The following HPN variants were observed in gnomAD, a reference collection of about 807,000 sequenced individuals.
HPN encodes serine protease hepsin.
A neutral mutation model predicts 55.9 loss-of-function variants in HPN; 13 were observed. The ratio of observed to expected loss-of-function variants is 0.23; its 90% CI spans 0.15 to 0.37. The LOEUF is 0.37. HPN is among the 10% of genes least tolerant of loss of function. The pLI is 1.00. For missense variants in HPN, 451 were observed against 575.8 expected (o/e 0.78, Z 2.22); for synonymous variants, 225 against 240.3 (o/e 0.94, Z 0.59).
At position 35,059,852 on chromosome 19, in the gene HPN, G is replaced by C. The variant is rs1229189712; in HGVS notation, c.291-22G>C. ...GGAGCCGGGAGGGGCTGGGGAGCAG[G>C]CCTAACCCCTGCCCCGCCCAGGGCA... On this transcript the variant is annotated intron_variant, in intron 5 of 12. Coordinates refer to ENST00000672452, the MANE Select transcript of HPN (RefSeq NM_001384133.1). 4 of 1,509,528 alleles carry C rather than the reference G, an allele frequency of 2.6e-6. No individual in the cohort carries two copies. In the African/African-American group the frequency reaches 4.1e-5, roughly 16 times the overall value. 93.5% of individuals were successfully genotyped at this position (1,509,528 alleles called of 1,614,324 possible).
rs544162310 is a variant in HPN, at chr19:35,052,412, C to A, written c.160+2896C>A. Among the ~76,000 whole-genome samples the A allele has an allele frequency of 3.3e-5, 5 of 151,890 alleles. No individual in the cohort carries two copies. In the South Asian group the frequency reaches 1.0e-3, roughly 32 times the overall value. On this transcript the variant is annotated intron_variant, in intron 4 of 12. Transcript: ENST00000672452. ...GCGTGGTGGCGGGCGCCTGTAATCCCAGCTACTCAGGAGGCTGAGGCAGGA... is the reference window on the plus strand; with the variant it reads ...GCGTGGTGGCGGGCGCCTGTAATCCAAGCTACTCAGGAGGCTGAGGCAGGA...
At chr19:35,065,741 G>A (rs2064600180) in intron 11 of HPN, 60 bp downstream of exon 11, 2 of 1,606,884 alleles carry the variant, frequency 1.2e-6, no homozygotes, top group Admixed American at 1.7e-5. Flanking sequence ...GGAGATGCAG[G>A]GGAGTGGGTG....
upstream of HPN, chr19:35,041,693 CGCCCCTCG>C: frequency 9.1e-7 from 1 of 1,104,216 alleles, no homozygotes; most frequent in Non-Finnish European, 1.1e-6. Flanking sequence ...CCCCTTCACC[CGCCCCTCG>C]CCCAGCCCCC....
At chr19:35,045,415 G>A (rs556654701) in intron 2 of HPN, among the ~76,000 whole-genome samples, 5 of 152,284 alleles carry the variant, frequency 3.3e-5, no homozygotes, top group Admixed American at 6.5e-5. Flanking sequence ...CCCGAGACAC[G>A]GAGCCACCAG....
upstream of HPN, among the ~76,000 whole-genome samples, chr19:35,040,973 G>A (rs1395131891): frequency 6.6e-6 from 1 of 152,190 alleles, no homozygotes; most frequent in Admixed American, 6.5e-5. Flanking sequence ...GGTTGAGCAC[G>A]GGCAGGTGTC....
rs532055275 is a variant in HPN at position 35,063,266 on chromosome 19, G to GA, written c.812-1982dup. On this transcript the variant is annotated intron_variant, in intron 9 of 12. Transcript: ENST00000672452. ...TTTGTGCCCAGGTGGACTGGCACTGGAATCTGTGCTTGTGGCCCCCACGCT... is the reference window on the plus strand; with the variant it reads ...TTTGTGCCCAGGTGGACTGGCACTGGAAATCTGTGCTTGTGGCCCCCACGCT... Among the ~76,000 whole-genome samples, 379 of 152,362 alleles carry GA rather than the reference G, an allele frequency of 2.5e-3. 2 individuals are homozygous for GA. The highest frequency in any genetic ancestry group is 8.7e-3 in the African/African-American group (361 of 41,578).
chr19:35,060,880 C>A, intron 9 of HPN, 63 bp downstream of exon 9: 1 of 1,389,890 alleles, frequency 7.2e-7, no homozygotes, highest in East Asian at 2.3e-5. Context: ...GAGGAGGGGA[C>A]CAGGGGCACA....
chr19:35,043,415 G>A (rs569174645), intron 2 of HPN, among the ~76,000 whole-genome samples: 86 of 152,280 alleles, frequency 5.6e-4, no homozygotes, highest in African/African-American at 1.8e-3. Context: ...CTCTTCTTCC[G>A]CAACCAGGAT....
Position 35,059,773 on chromosome 19 carries a change from A to T in HPN, c.261A>T (p.Gly87=). The T allele has an allele frequency of 6.3e-7, 1 of 1,586,222 alleles. No individual in the cohort carries two copies. Among genetic ancestry groups the T allele is most frequent in the Non-Finnish European group, 8.6e-7 (1 of 1,166,382 alleles). Residue 87 remains glycine, a synonymous_variant, in exon 5 of 13, where the codon GGA becomes GGT. Transcript: ENST00000672452. ...CGCGCTCCAACGCCAGGGTAGCCGGACTCAGCTGCGAGGAGATGGGCTTCC... is the reference window on the plus strand; with the variant it reads ...CGCGCTCCAACGCCAGGGTAGCCGGTCTCAGCTGCGAGGAGATGGGCTTCC... ...CSSRSNARVA[G]LSCEEMGFLR...
At chr19:35,057,129 A>G (rs1404603789) in intron 4 of HPN, among the ~76,000 whole-genome samples, 1 of 152,208 alleles carries the variant, frequency 6.6e-6, no homozygotes, top group African/African-American at 2.4e-5. Flanking sequence ...GGGCTTTAAA[A>G]TGTTATCAGA....
upstream of HPN, among the ~76,000 whole-genome samples, chr19:35,040,849 C>T (rs1260808158): frequency 6.6e-6 from 1 of 152,036 alleles, no homozygotes; most frequent in Non-Finnish European, 1.5e-5. Flanking sequence ...GAAATGGGTG[C>T]GGTGGAGGTG....
At chr19:35,058,214 C>G (rs2064477847) in intron 4 of HPN, among the ~76,000 whole-genome samples, 1 of 151,032 alleles carries the variant, frequency 6.6e-6, no homozygotes, top group South Asian at 2.1e-4. Flanking sequence ...GAGTCTCACT[C>G]TGTCGCCCAA....
chr19:35,048,028 AAAAGAAAGAAAG>A (rs1555722914), intron 2 of HPN, among the ~76,000 whole-genome samples: 71 of 87,450 alleles, frequency 8.1e-4, no homozygotes, highest in South Asian at 1.9e-3. Context: ...GAGAGAGAGA[AAAAGAAAGAAAG>A]AAAGAAAGAA....
In HPN at chr19:35,041,872, G is replaced by C; in HGVS notation, c.-55G>C. On this transcript the variant is annotated splice_region_variant and 5_prime_UTR_variant, in exon 1 of 13. Coordinates refer to ENST00000672452, the MANE Select transcript of HPN (RefSeq NM_001384133.1). ...TCCGCCCCCACCTGCTGGACCCCAG[G>C]GTAAGGACAAGGGCCCCCAGACTCA... The C allele has an allele frequency of 7.5e-7, 1 of 1,340,622 alleles. No homozygotes were observed. Among genetic ancestry groups the C allele is most frequent in the Non-Finnish European group, 9.8e-7 (1 of 1,017,098 alleles). 83.0% of individuals were successfully genotyped at this position (1,340,622 alleles called of 1,614,324 possible).
At chr19:35,047,798 G>A (rs1600380094) in intron 2 of HPN, among the ~76,000 whole-genome samples, 1 of 151,838 alleles carries the variant, frequency 6.6e-6, no homozygotes, top group Admixed American at 6.6e-5. Context: ...GGGAGTTCAC[G>A]ACCAGCCTGG....
Position 35,059,692 on chromosome 19 carries a change from C to G in HPN, c.180C>G (p.Asp60Glu). 1.3e-6 allele frequency: 2 copies of G among 1,599,156 alleles called. No individual in the cohort carries two copies. Among genetic ancestry groups the G allele is most frequent in the Non-Finnish European group, 1.7e-6 (2 of 1,173,622 alleles). ...PLYPVQVSSA[D>E]ARLMVFDKTE... ...CTGCAGTGCAGGTCAGCTCTGCGGA[C>G]GCTCGGCTCATGGTCTTTGACAAGA... is the stretch of plus-strand genomic sequence containing the variant. The change falls in exon 5 of 13, where the codon GAC becomes GAG. Residue 60 changes from aspartate (D) to glutamate (E), a missense_variant. Asp to Glu is a conservative substitution (Grantham distance 45, BLOSUM62 2). Coordinates refer to ENST00000672452, the MANE Select transcript of HPN (RefSeq NM_001384133.1).
chr19:35,048,508 G>A (rs2064370690), intron 2 of HPN, among the ~76,000 whole-genome samples: 2 of 152,226 alleles, frequency 1.3e-5, no homozygotes, highest in East Asian at 1.9e-4. Flanking sequence ...GGTGCTCAGT[G>A]GATGCCCATT....
chr19:35,044,985 G>T (rs1048296850), intron 2 of HPN, among the ~76,000 whole-genome samples: 22 of 152,124 alleles, frequency 1.4e-4, no homozygotes, highest in African/African-American at 5.3e-4. Flanking sequence ...TATGCAGATG[G>T]GGATGGTCCT....
chr19:35,047,474 C>T (rs1030725315), intron 2 of HPN, among the ~76,000 whole-genome samples: 1 of 152,210 alleles, frequency 6.6e-6, no homozygotes, highest in Admixed American at 6.5e-5. Context: ...CCAGCCTGCA[C>T]GGTTTTCTTC....
Sources: allele counts gnomAD v4.1 joint callset (sites outside exome capture counted in the v4.1 genomes callset), GRCh38; gene constraint gnomAD v4.1.1; transcripts MANE v1.5; gene names NCBI Gene and HGNC (gene_info 2026-07-23, HGNC 2026-07-21).